The following DNAI4 variants were observed in gnomAD, a reference collection of about 807,000 sequenced individuals.
DNAI4 encodes WD repeat domain 78.
A neutral mutation model predicts 105.8 loss-of-function variants in DNAI4; 85 were observed. The observed-to-expected ratio is 0.80, with a 90% CI of 0.67 to 0.96. The LOEUF is 0.96. Ranked by LOEUF, DNAI4 falls within the 40% of genes least tolerant of loss-of-function variation. DNAI4 has a pLI of 0.00. For missense variants in DNAI4, 1,014 were observed against 1,005.6 expected (o/e 1.01, Z -0.11); for synonymous variants, 352 against 331.5 (o/e 1.06, Z -0.67).
chr1:66,893,057 G>A (rs7513846), intron 3 of DNAI4, among the ~76,000 whole-genome samples, 172 bp downstream of exon 3: 10,571 of 91,062 alleles, frequency 0.12, 1,052 homozygotes, highest in African/African-American at 0.23. Context: ...GAAAGAAAGA[G>A]AGAGAGAGAA....
intron 1 of DNAI4, among the ~76,000 whole-genome samples, chr1:66,907,823 T>C (rs1200874199): frequency 6.6e-6 from 1 of 152,222 alleles, no homozygotes; most frequent in South Asian, 2.1e-4. Context: ...TGGTCATACA[T>C]GTGGCTTTTG....
intron 4 of DNAI4, among the ~76,000 whole-genome samples, chr1:66,885,372 T>C (rs1308372988): frequency 6.6e-6 from 1 of 152,244 alleles, no homozygotes; most frequent in Admixed American, 6.5e-5. Context: ...GCTGGTCTGC[T>C]GGAAATAAAT....
chr1:66,843,528 TA>T (rs1162203132), intron 8 of DNAI4, among the ~76,000 whole-genome samples: 11 of 152,214 alleles, frequency 7.2e-5, no homozygotes, highest in African/African-American at 2.4e-5. Context: ...CAGAAGTTTT[TA>T]ATCTTAATGA....
At chr1:66,912,412 T>C (rs1214783277) in intron 1 of DNAI4, among the ~76,000 whole-genome samples, 2 of 151,548 alleles carry the variant, frequency 1.3e-5, no homozygotes, top group Non-Finnish European at 2.9e-5. Flanking sequence ...GAGGCTATAG[T>C]GAGCCAAGAT....
intron 4 of DNAI4, among the ~76,000 whole-genome samples, chr1:66,889,909 T>C (rs549850057): frequency 1.2e-4 from 19 of 152,328 alleles, no homozygotes; most frequent in African/African-American, 4.3e-4. Context: ...TGTGAAACCT[T>C]TTTTATTTTA....
At chr1:66,900,237 G>A (rs1257872794) in intron 2 of DNAI4, among the ~76,000 whole-genome samples, 3 of 151,944 alleles carry the variant, frequency 2.0e-5, no homozygotes, top group Non-Finnish European at 2.9e-5. Flanking sequence ...GAGTAGCTGG[G>A]ATTACAGGCA....
At chr1:66,825,034 C>G (rs1483570361) in intron 15 of DNAI4, among the ~76,000 whole-genome samples, 1 of 152,108 alleles carries the variant, frequency 6.6e-6, no homozygotes, top group Non-Finnish European at 1.5e-5. Flanking sequence ...AAATAAATGT[C>G]TCTCTCAAGA....
At chr1:66,886,157 C>T (rs1647195247) in intron 4 of DNAI4, among the ~76,000 whole-genome samples, 1 of 152,106 alleles carries the variant, frequency 6.6e-6, no homozygotes, top group African/African-American at 2.4e-5. Context: ...ATTCACGTTG[C>T]TGTGTTTTTG....
At chr1:66,827,718 G>T in intron 14 of DNAI4, 94 bp downstream of exon 14, 1 of 610,980 alleles carries the variant, frequency 1.6e-6, no homozygotes, top group Non-Finnish European at 2.6e-6. Flanking sequence ...CTCTGAAGTT[G>T]TAAATTTATT....
intron 16 of DNAI4, among the ~76,000 whole-genome samples, chr1:66,817,659 T>C (rs947483518): frequency 1.3e-5 from 2 of 152,032 alleles, no homozygotes; most frequent in African/African-American, 4.8e-5. Context: ...TCCTACTGCA[T>C]AGGAAAACTG....
chr1:66,836,182 AAGAAAGAAAG>A (rs1645989312), intron 10 of DNAI4, among the ~76,000 whole-genome samples: 1 of 62,536 alleles, frequency 1.6e-5, no homozygotes, highest in Non-Finnish European at 3.8e-5. Flanking sequence ...GAAAGAAAGA[AAGAAAGAAAG>A]AAAGAAAGAA....
chr1:66,910,951 AC>A (rs1409277895), intron 1 of DNAI4, among the ~76,000 whole-genome samples: 4 of 152,194 alleles, frequency 2.6e-5, no homozygotes, highest in Non-Finnish European at 1.5e-5. Context: ...CCACACACCA[AC>A]TAAACAATCA....
At chr1:66,897,624 A>C (rs1480957410) in intron 2 of DNAI4, among the ~76,000 whole-genome samples, 1 of 152,116 alleles carries the variant, frequency 6.6e-6, no homozygotes, top group Non-Finnish European at 1.5e-5. Flanking sequence ...CACTACCCAG[A>C]ACTACCTTGG....
chr1:66,862,946 C>T (rs142543527), intron 6 of DNAI4, among the ~76,000 whole-genome samples: 15 of 152,248 alleles, frequency 9.9e-5, no homozygotes, highest in African/African-American at 3.6e-4. Context: ...GCATCTGATT[C>T]CATTTTTATC....
chr1:66,814,392 C>T (rs1219691539), intron 16 of DNAI4, among the ~76,000 whole-genome samples: 2 of 151,296 alleles, frequency 1.3e-5, no homozygotes, highest in African/African-American at 2.4e-5. Context: ...TTTTTTGAGA[C>T]AGAGTCTTGC....
intron 1 of DNAI4, among the ~76,000 whole-genome samples, chr1:66,924,047 G>C (rs1194336006): frequency 6.6e-6 from 1 of 152,238 alleles, no homozygotes; most frequent in African/African-American, 2.4e-5. Context: ...TGAGGCTCTT[G>C]AACGTCTGGG....
chr1:66,876,789 C>T (rs544064273), intron 4 of DNAI4, among the ~76,000 whole-genome samples: 2 of 152,106 alleles, frequency 1.3e-5, no homozygotes, highest in Non-Finnish European at 2.9e-5. Flanking sequence ...GTTTTGCCTG[C>T]TCCTCTTGAC....
intron 4 of DNAI4, among the ~76,000 whole-genome samples, chr1:66,889,161 T>C (rs1647383371): frequency 6.6e-6 from 1 of 152,180 alleles, no homozygotes; most frequent in Non-Finnish European, 1.5e-5. Flanking sequence ...AGAAATAATA[T>C]AATTAATAGA....
chr1:66,922,531 C>T (rs561529822), intron 1 of DNAI4, among the ~76,000 whole-genome samples: 41 of 152,286 alleles, frequency 2.7e-4, no homozygotes, highest in Middle Eastern at 6.8e-3. Flanking sequence ...ATGGAAAAAA[C>T]TTGAGAAATG....
Sources: gnomAD v4.1 joint callset for allele counts (sites outside exome capture counted in the v4.1 genomes callset) on GRCh38, gnomAD v4.1.1 for gene constraint, MANE v1.5 for transcripts, NCBI Gene and HGNC (gene_info 2026-07-23, HGNC 2026-07-21) for gene names.